The following ATG7 variants were observed in gnomAD, a reference collection of about 807,000 sequenced individuals.
ATG7 encodes autophagy related 7, also known as ubiquitin-like modifier-activating enzyme ATG7.
Under a neutral mutation model 82.4 loss-of-function variants are expected in ATG7, and 70 were observed. The ratio of observed to expected loss-of-function variants is 0.85; its 90% CI spans 0.70 to 1.04. ATG7 has a LOEUF of 1.04. Ranked by LOEUF, ATG7 falls within the 50% of genes least tolerant of loss-of-function variation. The pLI is 0.00. For synonymous variants in ATG7, 287 were observed against 313.0 expected (o/e 0.92, Z 0.88); for missense variants, 792 against 864.3 (o/e 0.92, Z 1.05).
chr3:11,454,233 C>G (rs1389107795), intron 20 of ATG7, among the ~76,000 whole-genome samples: 4 of 152,124 alleles, frequency 2.6e-5, no homozygotes, highest in African/African-American at 9.7e-5. Flanking sequence ...TCACTCTCAT[C>G]CCATGTTTTT....
At chr3:11,332,678 G>A (rs752466109) in intron 10 of ATG7, 9 of 192,566 alleles carry the variant, frequency 4.7e-5, no homozygotes, top group Non-Finnish European at 8.4e-5. Context: ...CATTTTTTCC[G>A]CATTTAAAAG....
At chr3:11,370,880 C>G (rs928287072) in intron 18 of ATG7, among the ~76,000 whole-genome samples, 1 of 150,998 alleles carries the variant, frequency 6.6e-6, no homozygotes, top group Non-Finnish European at 1.5e-5. Context: ...CCTCTAGCCT[C>G]TTTCTTCCTT....
At chr3:11,402,720 G>A (rs1236005592) in intron 19 of ATG7, among the ~76,000 whole-genome samples, 1 of 152,204 alleles carries the variant, frequency 6.6e-6, no homozygotes, top group Non-Finnish European at 1.5e-5. Flanking sequence ...GAGACTGAAT[G>A]AGGATTATAA....
At chr3:11,352,460 TC>T (rs998197669) in intron 14 of ATG7, among the ~76,000 whole-genome samples, 1 of 152,208 alleles carries the variant, frequency 6.6e-6, no homozygotes, top group Non-Finnish European at 1.5e-5. Flanking sequence ...TAGTTTACAG[TC>T]CCACCAACAG....
chr3:11,568,768 C>T, the ATG7 span: 1,289 of 1,497,054 alleles, frequency 8.6e-4, 17 homozygotes, highest in African/African-American at 0.016. This position sits in a 1 kb window ranked among gnomAD's most constrained non-coding sequence, Gnocchi z 5.9. Flanking sequence ...TGGAAGTCGC[C>T]TCCGCTCCTG....
the ATG7 span, chr3:11,568,982 C>T: frequency 8.8e-7 from 1 of 1,131,840 alleles, no homozygotes; most frequent in Non-Finnish European, 1.1e-6. The surrounding 1 kb of genome is among the most constrained non-coding windows in gnomAD (Gnocchi z 5.9). Flanking sequence ...GAAAGAGAGG[C>T]CTACAACACC....
intron 9 of ATG7, among the ~76,000 whole-genome samples, chr3:11,325,294 A>C (rs1431976246): frequency 1.3e-5 from 2 of 152,222 alleles, no homozygotes. Flanking sequence ...AGTTACTGCA[A>C]GACAGTGTAT....
rs1214364919 is a variant in ATG7, at chr3:11,554,663, T to C, written c.2080-148T>C. ...TGGCAAGTCTGAGATTTGGTTTCCT[T>C]GTACAGAAATGGGGTGACAGTCCCT... On this transcript the variant is annotated intron_variant, in intron 20 of 20. Transcript: ENST00000693202. 5 of 972,890 alleles carry C rather than the reference T, an allele frequency of 5.1e-6. No homozygotes were observed. The East Asian group carries it at 1.4e-4, about 27-fold the overall frequency. The allele number at this position is 972,890 out of a possible 1,614,324, so 60.3% of individuals were successfully genotyped here.
intron 20 of ATG7, among the ~76,000 whole-genome samples, chr3:11,431,258 G>A (rs2082855421): frequency 6.6e-6 from 1 of 152,180 alleles, no homozygotes; most frequent in African/African-American, 2.4e-5. Context: ...AAAATTAGCT[G>A]GGTGTGGTGG....
chr3:11,340,616 A>T, intron 11 of ATG7, 29 bp from the exon 12 acceptor site: 1 of 1,591,716 alleles, frequency 6.3e-7, no homozygotes, highest in Non-Finnish European at 8.6e-7. Flanking sequence ...TCCCTCCTTC[A>T]TTAAACTTTG....
At chr3:11,451,784 T>C (rs564383866) in intron 20 of ATG7, among the ~76,000 whole-genome samples, 163 of 98,626 alleles carry the variant, frequency 1.7e-3, no homozygotes, top group African/African-American at 6.6e-3. Context: ...GTTTATAGTC[T>C]CAAAAAAAAA....
chr3:11,369,904 C>T (rs987622246), intron 18 of ATG7, among the ~76,000 whole-genome samples: 4 of 151,078 alleles, frequency 2.6e-5, no homozygotes, highest in South Asian at 2.1e-4. Context: ...CTGATTAGAA[C>T]CCCAGCTTTG....
At chr3:11,321,146 C>T (rs1031614802) in intron 9 of ATG7, among the ~76,000 whole-genome samples, 9 of 152,158 alleles carry the variant, frequency 5.9e-5, no homozygotes, top group South Asian at 2.1e-4. Flanking sequence ...CACAGTTCTG[C>T]GTCTAATGTC....
At position 11,358,400 on chromosome 3, in the gene ATG7, GT is replaced by G. The variant is rs1553626619; in HGVS notation, c.1285-17del. The G allele has an allele frequency of 1.2e-6, 2 of 1,606,402 alleles. No homozygotes were observed. Among genetic ancestry groups the G allele is most frequent in the Non-Finnish European group, 1.7e-6 (2 of 1,175,928 alleles). ...ATACCATTGCTCCAGACATAACTAC[GT>G]CCTGGTGTTTCCCTAGAATGCCAGA... On this transcript the variant is annotated splice_polypyrimidine_tract_variant and intron_variant, in intron 14 of 20. Coordinates refer to ENST00000693202, the MANE Select transcript of ATG7 (RefSeq NM_001349232.2).
chr3:11,541,930 C>T (rs2070866156), intron 20 of ATG7, among the ~76,000 whole-genome samples: 1 of 152,250 alleles, frequency 6.6e-6, no homozygotes, highest in African/African-American at 2.4e-5. Flanking sequence ...TAAATCATAT[C>T]TTGAAAGAAA....
chr3:11,500,002 G>A (rs2091200615), intron 20 of ATG7, among the ~76,000 whole-genome samples: 1 of 152,140 alleles, frequency 6.6e-6, no homozygotes, highest in African/African-American at 2.4e-5. Context: ...GTTCAGGAGT[G>A]TTCTGAGTTC....
intron 15 of ATG7, among the ~76,000 whole-genome samples, chr3:11,360,179 G>A (rs2076197988): frequency 1.3e-5 from 2 of 152,200 alleles, no homozygotes; most frequent in Admixed American, 1.3e-4. Flanking sequence ...CTGAGTAGCT[G>A]CGACTACTGG....
In ATG7 at chr3:11,420,753, C is replaced by CTT. The variant is rs869277638; in HGVS notation, c.1957-6031_1957-6030dup. On this transcript the variant is annotated intron_variant, in intron 19 of 20. Coordinates refer to ENST00000693202, the MANE Select transcript of ATG7 (RefSeq NM_001349232.2). ...TGCATACCTTAAGTAATACAAAATA[C>CTT]TTTTTTTTTTTTTTTTTTTTTGAGA... 1.2e-3 allele frequency among the ~76,000 whole-genome samples: 146 copies of CTT among 126,018 alleles called. 1 individual carries two copies. The highest frequency in any genetic ancestry group is 8.6e-3 in the East Asian group (35 of 4,082). The allele number at this position is 126,018 out of a possible 152,430, so 82.7% of individuals were successfully genotyped here.
chr3:11,464,183 G>A (rs537662813), intron 20 of ATG7, among the ~76,000 whole-genome samples: 3 of 152,230 alleles, frequency 2.0e-5, no homozygotes, highest in Admixed American at 1.3e-4. Context: ...ACTAGCCTGG[G>A]CAACATGGTG....
Sources: allele counts gnomAD v4.1 joint callset (sites outside exome capture counted in the v4.1 genomes callset), GRCh38; gene constraint gnomAD v4.1.1; non-coding constraint Gnocchi (gnomAD v3.1); transcripts MANE v1.5; gene names NCBI Gene and HGNC (gene_info 2026-07-23, HGNC 2026-07-21).